SPON1: variants seen among roughly 807,000 people sequenced by gnomAD.
The protein encoded by SPON1 is spondin 1.
In SPON1, 52 loss-of-function variants were observed where a neutral mutation model predicts 111.7. The observed-to-expected ratio is 0.47, with a 90% CI of 0.37 to 0.59. The LOEUF (loss-of-function observed/expected upper bound fraction) is 0.59, where lower values mean the gene tolerates loss of function less well. SPON1 is among the 20% of genes least tolerant of loss of function. The pLI, the probability that SPON1 is intolerant of heterozygous loss-of-function variation, is 0.00. For missense variants in SPON1, 957 were observed against 1,068.5 expected (o/e 0.90, Z 1.46); for synonymous variants, 410 against 395.8 (o/e 1.04, Z -0.43).
At chr11:14,241,012 C>T (rs892585977) in intron 6 of SPON1, among the ~76,000 whole-genome samples, 11 of 152,084 alleles carry the variant, frequency 7.2e-5, no homozygotes, top group African/African-American at 2.7e-4. Flanking sequence ...ATTTTAAAGT[C>T]ATGGTACAGA....
chr11:14,000,667 A>G (rs781874837), intron 2 of SPON1, among the ~76,000 whole-genome samples: 2 of 151,830 alleles, frequency 1.3e-5, no homozygotes, highest in African/African-American at 2.4e-5. Flanking sequence ...TTCCCCCCAA[A>G]GTCAGCTGAC....
chr11:14,146,233 T>C, intron 6 of SPON1, among the ~76,000 whole-genome samples: 1 of 147,550 alleles, frequency 6.8e-6, no homozygotes, highest in East Asian at 2.1e-4. Flanking sequence ...CACTGCAACC[T>C]CCATCTCTCA....
At chr11:14,197,535 T>G (rs1644700758) in intron 6 of SPON1, among the ~76,000 whole-genome samples, 1 of 149,148 alleles carries the variant, frequency 6.7e-6, no homozygotes, top group South Asian at 2.1e-4. Context: ...AAGTGGGGGC[T>G]GCGCATGGTG....
At chr11:14,198,122 T>G (rs896107782) in intron 6 of SPON1, among the ~76,000 whole-genome samples, 12 of 152,200 alleles carry the variant, frequency 7.9e-5, no homozygotes, top group African/African-American at 2.9e-4. Context: ...CCATCTGGAG[T>G]GGAGGATGGG....
At chr11:14,024,709 A>G (rs1554915132) in intron 2 of SPON1, among the ~76,000 whole-genome samples, 1 of 152,202 alleles carries the variant, frequency 6.6e-6, no homozygotes, top group South Asian at 2.1e-4. Context: ...CACAAAAACA[A>G]GAGTGCCTGT....
At chr11:14,082,481 A>G (rs1848970378) in intron 5 of SPON1, among the ~76,000 whole-genome samples, 1 of 152,192 alleles carries the variant, frequency 6.6e-6, no homozygotes, top group African/African-American at 2.4e-5. Flanking sequence ...GACAAACGTG[A>G]TGACGTGCTT....
chr11:14,218,545 G>C (rs1213545827), intron 6 of SPON1, among the ~76,000 whole-genome samples: 1 of 152,202 alleles, frequency 6.6e-6, no homozygotes, highest in Non-Finnish European at 1.5e-5. Context: ...AGTGGTGAAT[G>C]AATGAAGTGT....
At chr11:14,069,549 C>G (rs1848859054) in intron 3 of SPON1, among the ~76,000 whole-genome samples, 2 of 152,048 alleles carry the variant, frequency 1.3e-5, no homozygotes, top group Non-Finnish European at 2.9e-5. Context: ...TTATCATGTT[C>G]CACATTGATT....
chr11:13,972,186 T>C (rs1591336431), intron 1 of SPON1, among the ~76,000 whole-genome samples: 1 of 152,322 alleles, frequency 6.6e-6, no homozygotes, highest in East Asian at 1.9e-4. Context: ...GATAGAATGA[T>C]TATCTCCTTG....
At chr11:14,047,910 T>C (rs1430865377) in intron 3 of SPON1, among the ~76,000 whole-genome samples, 1 of 152,170 alleles carries the variant, frequency 6.6e-6, no homozygotes, top group Non-Finnish European at 1.5e-5. Context: ...TATTAAACAG[T>C]GGACTGACAC....
intron 6 of SPON1, among the ~76,000 whole-genome samples, chr11:14,145,283 AT>A (rs1554929205): frequency 6.6e-6 from 1 of 152,206 alleles, no homozygotes; most frequent in Non-Finnish European, 1.5e-5. Context: ...GCCTCTTAGC[AT>A]TACTTCTTAA....
intron 5 of SPON1, among the ~76,000 whole-genome samples, chr11:14,098,275 C>A (rs1849117587): frequency 6.6e-6 from 1 of 152,208 alleles, no homozygotes; most frequent in Non-Finnish European, 1.5e-5. Context: ...GGATTACAGG[C>A]GTGAGCCGGA....
At chr11:14,008,860 A>T (rs1418686874) in intron 2 of SPON1, among the ~76,000 whole-genome samples, 1 of 152,202 alleles carries the variant, frequency 6.6e-6, no homozygotes, top group African/African-American at 2.4e-5. Flanking sequence ...AGAACAATTT[A>T]AAAACCTTAC....
At chr11:14,250,699 G>A (rs540990503) in intron 7 of SPON1, among the ~76,000 whole-genome samples, 4 of 152,206 alleles carry the variant, frequency 2.6e-5, no homozygotes, top group South Asian at 4.1e-4. Flanking sequence ...ATATATCTTG[G>A]AAGACATGGC....
chr11:14,004,069 T>C (rs549035187), intron 2 of SPON1, among the ~76,000 whole-genome samples: 1 of 152,336 alleles, frequency 6.6e-6, no homozygotes, highest in Admixed American at 6.5e-5. Flanking sequence ...TCACTTAGCA[T>C]AATGTCTTCC....
At chr11:14,163,865 G>A (rs1233370460) in intron 6 of SPON1, among the ~76,000 whole-genome samples, 3 of 151,436 alleles carry the variant, frequency 2.0e-5, no homozygotes, top group African/African-American at 7.3e-5. Context: ...AACAGCCCTG[G>A]TTACCCCCAC....
chr11:14,145,148 T>G (rs1591388163), intron 6 of SPON1, among the ~76,000 whole-genome samples: 1 of 152,226 alleles, frequency 6.6e-6, no homozygotes, highest in Non-Finnish European at 1.5e-5. Flanking sequence ...AACCTCTTGT[T>G]TGCTTTCAGT....
At position 14,031,590 on chromosome 11, in the gene SPON1, A is replaced by T. The variant is rs536359194; in HGVS notation, c.346-9931A>T. Among the ~76,000 whole-genome samples, 8 of 152,332 alleles carry T rather than the reference A, an allele frequency of 5.3e-5. No homozygotes were observed. The South Asian group carries it at 1.7e-3, about 32-fold the overall frequency. ...TATAAACAAAATCAGTACCGCTATT[A>T]ACAAATTTTAAAGAATACATGGAGA... is the stretch of plus-strand genomic sequence containing the variant. On this transcript the variant is annotated intron_variant, in intron 2 of 15. Transcript: ENST00000576479.
intron 3 of SPON1, among the ~76,000 whole-genome samples, chr11:14,070,604 A>C (rs1848867975): frequency 6.6e-6 from 1 of 152,196 alleles, no homozygotes; most frequent in East Asian, 1.9e-4. Context: ...TTGTCTCTAT[A>C]TGGCTGTGAC....
Sources: gnomAD v4.1 joint callset for allele counts (sites outside exome capture counted in the v4.1 genomes callset) on GRCh38, gnomAD v4.1.1 for gene constraint, MANE v1.5 for transcripts, NCBI Gene and HGNC (gene_info 2026-07-23, HGNC 2026-07-21) for gene names.